The following HOXD11 variants were observed in gnomAD, a reference collection of about 807,000 sequenced individuals.
The protein encoded by HOXD11 is homeobox D11.
Under a neutral mutation model 23.1 loss-of-function variants are expected in HOXD11, and 16 were observed. The observed-to-expected ratio is 0.69, with a 90% CI of 0.47 to 1.05. The LOEUF is 1.05. Among genes scored for constraint, HOXD11 ranks in the 50% least tolerant of loss-of-function variants. The pLI is 0.00. For missense variants in HOXD11, 564 were observed against 495.6 expected (o/e 1.14, Z -1.31); for synonymous variants, 262 against 224.4 (o/e 1.17, Z -1.50).
In HOXD11 at chr2:176,107,426, C is replaced by T; in HGVS notation, c.71C>T (p.Ala24Val). 1.9e-6 allele frequency: 3 copies of T among 1,613,864 alleles called. No homozygotes were observed. The highest frequency in any genetic ancestry group is 2.5e-6 in the Non-Finnish European group (3 of 1,179,886). ...CTGCCGGGCTGCGCCTACTATGTGG[C>T]CCCGTCTGACTTCGCTAGCAAGCCT... Reference protein sequence around the residue: ...MYLPGCAYYVAPSDFASKPSF... With the variant: ...MYLPGCAYYVVPSDFASKPSF... The change falls in exon 1 of 2, where the codon GCC (alanine) becomes GTC (valine). Residue 24 changes from alanine to valine, a missense_variant. Transcript: ENST00000249504.
intron 1 of HOXD11, chr2:176,108,704 C>A: frequency 2.0e-6 from 1 of 503,184 alleles, no homozygotes; most frequent in Non-Finnish European, 3.5e-6. Flanking sequence ...TGTGTCCGGG[C>A]GTGAACACAT....
downstream of HOXD11, among the ~76,000 whole-genome samples, chr2:176,113,696 G>A (rs1689706842): frequency 6.6e-6 from 1 of 151,974 alleles, no homozygotes; most frequent in Admixed American, 6.5e-5. Flanking sequence ...TCAAAATATT[G>A]ACAGTCTCTT....
At chr2:176,110,645 C>T (rs545364425), downstream of HOXD11, among the ~76,000 whole-genome samples, 6 of 152,214 alleles carry the variant, frequency 3.9e-5, no homozygotes, top group South Asian at 1.2e-3. Context: ...CACCTTTAAC[C>T]TTTCTGAATA....
At position 176,107,829 on chromosome 2, in the gene HOXD11, G is replaced by A; in HGVS notation, c.474G>A (p.Ala158=). ...CGCCGGGGCCGCCGCACGGCCCCGC[G>A]GGCGCCGCCTCCAACTTCTACAGCG... ...CAAPGPPHGP[A]GAASNFYSAV... is the part of the protein sequence containing the mutation. The change falls in exon 1 of 2, where the codon GCG becomes GCA. Residue 158 remains alanine (A), a synonymous_variant. Coordinates refer to ENST00000249504, the MANE Select transcript of HOXD11 (RefSeq NM_021192.3). 1 of 1,427,046 alleles carries A rather than the reference G, an allele frequency of 7.0e-7. No individual in the cohort carries two copies. The highest frequency in any genetic ancestry group is 9.2e-7 in the Non-Finnish European group (1 of 1,087,486). The allele number at this position is 1,427,046 out of a possible 1,614,324, so 88.4% of individuals were successfully genotyped here.
Position 176,107,852 on chromosome 2 carries a change from G to A in HOXD11, c.497G>A (p.Ser166Asn), listed in dbSNP as rs1689605735. Residue 166 changes from serine to asparagine, a missense_variant, in exon 1 of 2, where the codon AGC (serine) becomes AAC (asparagine). Ser to Asn is a conservative substitution (Grantham distance 46). Transcript: ENST00000249504. ...GCGGGCGCCGCCTCCAACTTCTACA[G>A]CGCGGTGGGCCGCAATGGCATCTTG... ...GPAGAASNFY[S>N]AVGRNGILPQ... 2 of 1,448,998 alleles carry A rather than the reference G, an allele frequency of 1.4e-6. No individual in the cohort carries two copies. The highest frequency in any genetic ancestry group is 1.5e-5 in the African/African-American group (1 of 67,236). 89.8% of individuals were successfully genotyped at this position (1,448,998 alleles called of 1,614,324 possible).
downstream of HOXD11, among the ~76,000 whole-genome samples, chr2:176,111,025 C>G (rs1016858376): frequency 2.0e-5 from 3 of 152,156 alleles, no homozygotes; most frequent in Non-Finnish European, 2.9e-5. Flanking sequence ...TCTGTGCAGC[C>G]TTACACCTTC....
downstream of HOXD11, among the ~76,000 whole-genome samples, chr2:176,113,094 C>T (rs1384111023): frequency 6.6e-6 from 1 of 152,216 alleles, no homozygotes; most frequent in Admixed American, 6.5e-5. Context: ...TGGTGGTAGA[C>T]TCCCCATTTG....
chr2:176,115,409 G>A, the HOXD11 span, among the ~76,000 whole-genome samples: 19 of 152,114 alleles, frequency 1.2e-4, no homozygotes, highest in Admixed American at 8.5e-4. Flanking sequence ...GGTTAGCAGC[G>A]AAGGGAAAAA....
the HOXD11 span, among the ~76,000 whole-genome samples, chr2:176,115,070 G>T: frequency 2.6e-5 from 4 of 152,266 alleles, no homozygotes; most frequent in Non-Finnish European, 5.9e-5. Context: ...CGGCTCACCC[G>T]CCTGCAGCAA....
downstream of HOXD11, among the ~76,000 whole-genome samples, chr2:176,111,227 T>C (rs1047178618): frequency 1.3e-5 from 2 of 152,336 alleles, no homozygotes; most frequent in South Asian, 2.1e-4. Flanking sequence ...TCGGTTAAAA[T>C]GTCAGTGCCC....
In HOXD11 at chr2:176,109,610, T is replaced by G; in HGVS notation, c.*468T>G. On this transcript the variant is annotated 3_prime_UTR_variant, in exon 2 of 2. Coordinates refer to ENST00000249504, the MANE Select transcript of HOXD11 (RefSeq NM_021192.3). ...TCAAGGCATGAGTCACTGTCTTTTT[T>G]TGTGTGAATAAATGGTTTCTAGTAA... The G allele has an allele frequency of 4.4e-6, 1 of 229,114 alleles. No individual in the cohort carries two copies. The highest frequency in any genetic ancestry group is 6.4e-5 in the East Asian group (1 of 15,618). The allele number at this position is 229,114 out of a possible 1,614,324, so 14.2% of individuals were successfully genotyped here.
At chr2:176,109,935 T>G (rs1020630371), downstream of HOXD11, among the ~76,000 whole-genome samples, 2 of 152,040 alleles carry the variant, frequency 1.3e-5, no homozygotes, top group African/African-American at 4.8e-5. Context: ...CCACCACTAG[T>G]CTAGTGAACT....
chr2:176,108,657 CTCTGTG>C, intron 1 of HOXD11: 2 of 263,320 alleles, frequency 7.6e-6, no homozygotes, highest in South Asian at 2.1e-4. Context: ...CCGTGCCAGG[CTCTGTG>C]TGTGTGTGTG....
intron 1 of HOXD11, chr2:176,108,657 C>CTGTGTG (rs1264719551): frequency 7.6e-6 from 2 of 263,254 alleles, no homozygotes; most frequent in South Asian, 1.0e-4. Context: ...CCGTGCCAGG[C>CTGTGTG]TCTGTGTGTG....
chr2:176,112,853 A>T (rs1028681616), downstream of HOXD11, among the ~76,000 whole-genome samples: 15 of 152,194 alleles, frequency 9.9e-5, no homozygotes, highest in Non-Finnish European at 2.1e-4. Flanking sequence ...GATGGGCCTG[A>T]CAAGGGCCCG....
At chr2:176,113,962 T>C (rs1001687785), downstream of HOXD11, among the ~76,000 whole-genome samples, 1 of 152,244 alleles carries the variant, frequency 6.6e-6, no homozygotes, top group Admixed American at 6.5e-5. Flanking sequence ...TGCTTGTTTT[T>C]AGCCTGTATG....
chr2:176,111,825 G>GC (rs1689676247), downstream of HOXD11, among the ~76,000 whole-genome samples: 1 of 10,376 alleles, frequency 9.6e-5, no homozygotes, highest in Non-Finnish European at 1.5e-4. Flanking sequence ...CCTCCCCCCC[G>GC]CAAAAAAAAA....
At position 176,107,999 on chromosome 2, in the gene HOXD11, C is replaced by G; in HGVS notation, c.644C>G (p.Thr215Ser). Reference sequence around the variant, plus strand: ...GCAGCCGACAAGGGCGACCCCAGGACCGGGGCTGGTGGCGGCGGGGGCAGT... The same window carrying G: ...GCAGCCGACAAGGGCGACCCCAGGAGCGGGGCTGGTGGCGGCGGGGGCAGT... The part of the protein sequence containing the change: ...EGAADKGDPR[T>S]GAGGGGGSPC... The change falls in exon 1 of 2, where the codon ACC (threonine) becomes AGC (serine). Residue 215 changes from threonine to serine, a missense_variant. Transcript: ENST00000249504. 6.7e-7 allele frequency: 1 copy of G among 1,483,264 alleles called. No homozygotes were observed. Among genetic ancestry groups the G allele is most frequent in the Non-Finnish European group, 8.9e-7 (1 of 1,122,230 alleles). The allele number at this position is 1,483,264 out of a possible 1,614,324, so 91.9% of individuals were successfully genotyped here. A position where few individuals can be genotyped will look rare whatever the true frequency, so the allele number is the denominator to read the frequency against.
Position 176,107,355 on chromosome 2 carries a change from C to A in HOXD11, c.-1C>A, listed in dbSNP as rs1213412698. On this transcript the variant is annotated 5_prime_UTR_variant, in exon 1 of 2. Coordinates refer to ENST00000249504, the MANE Select transcript of HOXD11 (RefSeq NM_021192.3). ...CTCGCTGGCGCGCACGCCGCGGAGT[C>A]ATGAACGACTTTGACGAGTGCGGCC... The A allele has an allele frequency of 1.3e-6, 2 of 1,592,522 alleles. No homozygotes were observed.
Sources: allele counts gnomAD v4.1 joint callset (sites outside exome capture counted in the v4.1 genomes callset), GRCh38; gene constraint gnomAD v4.1.1; transcripts MANE v1.5; gene names NCBI Gene and HGNC (gene_info 2026-07-23, HGNC 2026-07-21).